Variants in NDST4 observed in about 807,000 individuals in gnomAD.
The protein encoded by NDST4 is N-heparan sulfate sulfotransferase 4.
NDST4 carries 63 observed loss-of-function variants against 100.8 expected under a neutral mutation model. That is an observed-to-expected ratio of 0.62 (90% CI 0.51 to 0.77). The LOEUF (loss-of-function observed/expected upper bound fraction) is 0.77, where lower values mean the gene tolerates loss of function less well. NDST4 is among the 30% of genes least tolerant of loss of function. The pLI is 0.00. For synonymous variants in NDST4, 377 were observed against 361.8 expected (o/e 1.04, Z -0.48); for missense variants, 943 against 1,018.4 (o/e 0.93, Z 1.01).
At chr4:115,036,756 T>G (rs1728240760) in intron 2 of NDST4, among the ~76,000 whole-genome samples, 1 of 151,908 alleles carries the variant, frequency 6.6e-6, no homozygotes, top group African/African-American at 2.4e-5. Flanking sequence ...GACCTCAAAG[T>G]ATGGTCTTAA....
rs199546917 is a variant in NDST4, at chr4:115,076,273, G to A, written c.764C>T (p.Thr255Met). Residue 255 changes from threonine to methionine, a missense_variant, in exon 2 of 14, where the codon ACG (threonine) becomes ATG (methionine). This residue lies in a region of NDST4 where 417 missense variants were observed against 384.2 expected (regional missense o/e 1.09). Transcript: ENST00000264363. Reference sequence around the variant, plus strand: ...ATGAAGCCCCAGATCCTGAATCACCGTTGCAAAGAGTGTTTTGCTAGACAA... The same window carrying A: ...ATGAAGCCCCAGATCCTGAATCACCATTGCAAAGAGTGTTTTGCTAGACAA... ...SSLSSKTLFA[T>M]VIQDLGLHDG... The A allele has an allele frequency of 1.3e-5, 21 of 1,613,944 alleles. No homozygotes were observed. Among genetic ancestry groups the A allele is most frequent in the South Asian group, 7.7e-5 (7 of 91,090 alleles).
chr4:114,857,835 T>C (rs1288239588), intron 7 of NDST4, among the ~76,000 whole-genome samples: 1 of 151,666 alleles, frequency 6.6e-6, no homozygotes, highest in East Asian at 1.9e-4. Flanking sequence ...GCTAGGAAAA[T>C]TAAGATAGGA....
At chr4:114,867,358 A>G (rs1724048493) in intron 7 of NDST4, among the ~76,000 whole-genome samples, 1 of 152,144 alleles carries the variant, frequency 6.6e-6, no homozygotes. Flanking sequence ...TTAACCACCT[A>G]AGGTTAGTGC....
rs1278406938 is a variant in NDST4, at chr4:114,986,789, T to TATAC, written c.979-9519_979-9516dup. ...AGTTCCTCTAAGCCTGGTATCCAAT[T>TATAC]ATACATATATATATATATATATATA... On this transcript the variant is annotated intron_variant, in intron 2 of 13. Transcript: ENST00000264363. Among the ~76,000 whole-genome samples the TATAC allele has an allele frequency of 2.7e-3, 221 of 81,660 alleles. 2 individuals are homozygous for TATAC. Among genetic ancestry groups the TATAC allele is most frequent in the African/African-American group, 0.012 (203 of 17,142 alleles). 53.6% of individuals were successfully genotyped at this position (81,660 alleles called of 152,430 possible). A position where few individuals can be genotyped will look rare whatever the true frequency, so the allele number is the denominator to read the frequency against.
intron 2 of NDST4, among the ~76,000 whole-genome samples, chr4:115,025,923 C>T (rs915124306): frequency 1.3e-5 from 2 of 151,760 alleles, no homozygotes; most frequent in African/African-American, 4.9e-5. Context: ...GATGCTTGTT[C>T]CTTTCAATTA....
At chr4:115,048,306 A>G (rs551620903) in intron 2 of NDST4, among the ~76,000 whole-genome samples, 2 of 152,354 alleles carry the variant, frequency 1.3e-5, no homozygotes, top group South Asian at 4.1e-4. Flanking sequence ...CAAGGTTTTT[A>G]GCATTTACAT....
chr4:115,004,255 T>C (rs2620421), intron 2 of NDST4, among the ~76,000 whole-genome samples: 52,189 of 152,058 alleles, frequency 0.34, 9,081 homozygotes, highest in Middle Eastern at 0.49. Context: ...TAATTAGAAG[T>C]TTTTTTAGCC....
chr4:114,973,488 G>T (rs776384172), intron 3 of NDST4, among the ~76,000 whole-genome samples: 6 of 151,560 alleles, frequency 4.0e-5, no homozygotes, highest in Non-Finnish European at 4.4e-5. Flanking sequence ...CTAGATCCTG[G>T]TCTAGATAAT....
At chr4:115,053,102 C>T (rs1385349881) in intron 2 of NDST4, among the ~76,000 whole-genome samples, 1 of 152,064 alleles carries the variant, frequency 6.6e-6, no homozygotes, top group African/African-American at 2.4e-5. Context: ...GGAAGCACCA[C>T]AATATGTTAT....
chr4:115,069,559 C>A (rs1408693350), intron 2 of NDST4, among the ~76,000 whole-genome samples: 1 of 152,118 alleles, frequency 6.6e-6, no homozygotes, highest in African/African-American at 2.4e-5. Flanking sequence ...AAAAACTGAA[C>A]ATCACTGATC....
chr4:115,023,243 T>G (rs887431869), intron 2 of NDST4, among the ~76,000 whole-genome samples: 4 of 152,148 alleles, frequency 2.6e-5, no homozygotes, highest in Non-Finnish European at 5.9e-5. Flanking sequence ...CCCAGCACTT[T>G]GGGAGGCCAA....
At chr4:115,009,127 T>A (rs1727485820) in intron 2 of NDST4, among the ~76,000 whole-genome samples, 1 of 126,228 alleles carries the variant, frequency 7.9e-6, no homozygotes, top group Admixed American at 8.1e-5. Flanking sequence ...ATTTATAGAT[T>A]CAATGCCATC....
intron 2 of NDST4, among the ~76,000 whole-genome samples, chr4:115,033,157 A>ATATTTTTTTTT (rs1491126767): frequency 1.7e-5 from 1 of 59,948 alleles, no homozygotes; most frequent in African/African-American, 5.8e-5. Context: ...ATATATATAT[A>ATATTTTTTTTT]TTTTTTTTTT....
At chr4:114,872,419 G>A (rs1005518564) in intron 6 of NDST4, among the ~76,000 whole-genome samples, 1 of 151,902 alleles carries the variant, frequency 6.6e-6, no homozygotes, top group East Asian at 1.9e-4. Context: ...CCAATGTTAC[G>A]CTGACCAATC....
chr4:115,084,081 G>C (rs1215870977), intron 1 of NDST4, among the ~76,000 whole-genome samples: 1 of 152,164 alleles, frequency 6.6e-6, no homozygotes, highest in Non-Finnish European at 1.5e-5. Context: ...GAACTTCCTA[G>C]AGATTTGTCG....
At chr4:115,103,552 T>C (rs1470018858) in intron 1 of NDST4, among the ~76,000 whole-genome samples, 3 of 152,184 alleles carry the variant, frequency 2.0e-5, no homozygotes, top group African/African-American at 7.2e-5. Context: ...ACCCTGTAGT[T>C]ATGGTTTCCA....
At position 115,018,361 on chromosome 4, in the gene NDST4, G is replaced by GT. The variant is rs967478097; in HGVS notation, c.979-41088dup. On this transcript the variant is annotated intron_variant, in intron 2 of 13. Transcript: ENST00000264363. ...ACAAAATGGAAATATCTTAATTTTA[G>GT]TTTTGTTTACAAAATCTCTTTTTCC... 7.2e-5 allele frequency among the ~76,000 whole-genome samples: 11 copies of GT among 151,864 alleles called. 1 individual carries two copies. Among genetic ancestry groups the GT allele is most frequent in the Admixed American group, 5.3e-4 (8 of 15,198 alleles).
intron 4 of NDST4, among the ~76,000 whole-genome samples, chr4:114,952,824 T>C (rs536785881): frequency 2.6e-5 from 4 of 152,224 alleles, no homozygotes; most frequent in African/African-American, 7.2e-5. Flanking sequence ...TGAATCATTA[T>C]GCCATTTACA....
chr4:114,963,748 T>C (rs1180492589), intron 4 of NDST4, among the ~76,000 whole-genome samples: 2 of 152,206 alleles, frequency 1.3e-5, no homozygotes, highest in Non-Finnish European at 2.9e-5. Flanking sequence ...TCAATATTTA[T>C]GGCTTTGAAG....
Sources: allele counts gnomAD v4.1 joint callset (sites outside exome capture counted in the v4.1 genomes callset), GRCh38; gene constraint gnomAD v4.1.1; regional missense constraint gnomAD v4.1.1; transcripts MANE v1.5; gene names NCBI Gene and HGNC (gene_info 2026-07-23, HGNC 2026-07-21).